SH3D21: variants seen among roughly 807,000 people sequenced by gnomAD.
SH3D21 encodes SH3 domain-containing protein 21.
Under a neutral mutation model 82.1 loss-of-function variants are expected in SH3D21, and 83 were observed. That is an observed-to-expected ratio of 1.01 (90% confidence interval 0.85 to 1.21). The LOEUF is 1.21. Ranked by LOEUF, SH3D21 falls within the 50% of genes most tolerant of loss-of-function variation. The pLI is 0.00. For missense variants in SH3D21, 980 were observed against 962.1 expected (o/e 1.02, Z -0.25); for synonymous variants, 383 against 387.8 (o/e 0.99, Z 0.15).
In SH3D21 at chr1:36,307,298, G is replaced by GAT. The variant is rs755274024; in HGVS notation, c.345+13_345+14insAT. 16 of 1,551,840 alleles carry GAT rather than the reference G, an allele frequency of 1.0e-5. No homozygotes were observed. In the South Asian group the frequency reaches 1.9e-4, roughly 18 times the overall value. ...AATGATAAAGGAGGTGAGGGGTGAG[G>GAT]TGATGGGACCGTTTGGGGGAGGATG... On this transcript the variant is annotated intron_variant, in intron 4 of 15. Coordinates refer to ENST00000453908, the MANE Select transcript of SH3D21 (RefSeq NM_001162530.2). This position sits in a 1 kb window ranked among gnomAD's most constrained non-coding sequence, Gnocchi z 5.4.
In SH3D21 at chr1:36,320,100, C is replaced by T; in HGVS notation, c.1437C>T (p.Ala479=). ...NPKMAPLGDE[A]PTLEKVLTPE... ...AGATGGCCCCTCTGGGGGATGAGGC[C>T]CCCACTCTAGAAAAGGTCTTGACCC... Residue 479 remains alanine, a synonymous_variant, in exon 14 of 16, where the codon GCC becomes GCT. Coordinates refer to ENST00000453908, the MANE Select transcript of SH3D21 (RefSeq NM_001162530.2). 3 of 1,613,978 alleles carry T rather than the reference C, an allele frequency of 1.9e-6. No homozygotes were observed. Among genetic ancestry groups the T allele is most frequent in the African/African-American group, 1.3e-5 (1 of 75,018 alleles).
At chr1:36,322,740 G>A (rs1156924099), downstream of SH3D21, 2 of 1,545,528 alleles carry the variant, frequency 1.3e-6, no homozygotes. Context: ...GGGGCACAGG[G>A]CGGGGGTCAC....
At chr1:36,313,032 A>G (rs1270678845) in intron 10 of SH3D21, among the ~76,000 whole-genome samples, 1 of 151,932 alleles carries the variant, frequency 6.6e-6, no homozygotes, top group Non-Finnish European at 1.5e-5. Flanking sequence ...ATCTTATATA[A>G]GATGGGAATG....
At chr1:36,312,776 T>C (rs1309055091) in intron 10 of SH3D21, among the ~76,000 whole-genome samples, 1 of 152,136 alleles carries the variant, frequency 6.6e-6, no homozygotes, top group Non-Finnish European at 1.5e-5. Context: ...AGTGGCGCGA[T>C]CTCAGCTCAC....
Position 36,307,336 on chromosome 1 carries a change from T to TC in SH3D21, c.345+54dup. 6.5e-7 allele frequency: 1 copy of TC among 1,546,260 alleles called. No individual in the cohort carries two copies. Among genetic ancestry groups the TC allele is most frequent in the South Asian group, 1.2e-5 (1 of 83,736 alleles). ...TTGGGGGAGGATGATGGAACGCGCC[T>TC]CCCTAGTGAGCGGGGTGGGAAGTGA... On this transcript the variant is annotated intron_variant, in intron 4 of 15. Coordinates refer to ENST00000453908, the MANE Select transcript of SH3D21 (RefSeq NM_001162530.2). This position sits in a 1 kb window ranked among gnomAD's most constrained non-coding sequence, Gnocchi z 5.4.
intron 10 of SH3D21, among the ~76,000 whole-genome samples, chr1:36,318,617 A>T (rs1287525586): frequency 2.6e-5 from 4 of 151,674 alleles, no homozygotes; most frequent in African/African-American, 9.7e-5. Context: ...TACTAAAAAT[A>T]CAAAAATTGG....
chr1:36,329,929 C>T (rs147385393), downstream of SH3D21, among the ~76,000 whole-genome samples: 713 of 152,204 alleles, frequency 4.7e-3, 4 homozygotes, highest in Middle Eastern at 0.017. Flanking sequence ...TTGTGACCTC[C>T]GCACAGCTCC....
At chr1:36,320,833 G>C (rs1646443634) in intron 14 of SH3D21, 35 bp downstream of exon 14, 1 of 1,550,196 alleles carries the variant, frequency 6.5e-7, no homozygotes. Flanking sequence ...TGGAAGGTAG[G>C]GTTCCCCCTA....
intron 9 of SH3D21, among the ~76,000 whole-genome samples, chr1:36,309,283 C>G (rs1050629795): frequency 3.3e-5 from 5 of 151,910 alleles, no homozygotes; most frequent in Non-Finnish European, 7.4e-5. Flanking sequence ...TGCAACCTCC[C>G]CCTCTCAGGT....
At chr1:36,310,833 A>G (rs1646224188) in intron 10 of SH3D21, among the ~76,000 whole-genome samples, 1 of 151,934 alleles carries the variant, frequency 6.6e-6, no homozygotes, top group African/African-American at 2.4e-5. Context: ...CACTAAATTC[A>G]TTTTTGTTTT....
downstream of SH3D21, chr1:36,322,680 A>T: frequency 6.5e-7 from 1 of 1,547,038 alleles, no homozygotes. Context: ...CAGCAGGCCG[A>T]AGCAGACGCC....
At chr1:36,328,447 G>C, downstream of SH3D21, 1 of 301,464 alleles carries the variant, frequency 3.3e-6, no homozygotes, top group South Asian at 3.0e-5. Flanking sequence ...ACAGCTGCTG[G>C]AAAGAGGGTA....
rs115684297 is a variant in SH3D21 at position 36,307,814 on chromosome 1, C to G, written c.481C>G (p.Arg161Gly). The G allele has an allele frequency of 7.7e-6, 12 of 1,551,798 alleles. No individual in the cohort carries two copies. The highest frequency in any genetic ancestry group is 9.6e-6 in the Non-Finnish European group (11 of 1,147,006). Residue 161 changes from arginine (R) to glycine (G), a missense_variant, in exon 6 of 16, where the codon CGG becomes GGG. Transcript: ENST00000453908. This position sits in a 1 kb window ranked among gnomAD's most constrained non-coding sequence, Gnocchi z 5.4. ...GCCTTCAGTCAGCCCTGGTCCCCAGCGGCCTCCCAAGGTAAGTTGGCTCAG... is the reference window on the plus strand; with the variant it reads ...GCCTTCAGTCAGCCCTGGTCCCCAGGGGCCTCCCAAGGTAAGTTGGCTCAG... ...DMPSVSPGPQ[R>G]PPKLSSLAYD...
chr1:36,315,322 C>G (rs1027905525), intron 10 of SH3D21, among the ~76,000 whole-genome samples: 1 of 151,840 alleles, frequency 6.6e-6, no homozygotes, highest in Admixed American at 6.6e-5. Context: ...TGGATAATTT[C>G]CAGAGCATTG....
At chr1:36,321,946 C>T, downstream of SH3D21, 1 of 1,125,834 alleles carries the variant, frequency 8.9e-7, no homozygotes, top group Non-Finnish European at 1.1e-6. The surrounding 1 kb of genome is among the most constrained non-coding windows in gnomAD (Gnocchi z 6.1). Context: ...GTAAGGGAGT[C>T]AAGCTGGGCC....
At chr1:36,321,490 T>G, downstream of SH3D21, 1 of 862,756 alleles carries the variant, frequency 1.2e-6, no homozygotes, top group Non-Finnish European at 1.5e-6. The surrounding 1 kb of genome is among the most constrained non-coding windows in gnomAD (Gnocchi z 6.1). Context: ...CCGGCCTAGA[T>G]TCCGGAATCC....
At chr1:36,326,204 CTTG>C (rs1646542704), downstream of SH3D21, among the ~76,000 whole-genome samples, 2 of 149,810 alleles carry the variant, frequency 1.3e-5, no homozygotes, top group Admixed American at 1.3e-4. Flanking sequence ...ACTCGATGGC[CTTG>C]TTGATGAGCT....
chr1:36,320,944 T>C lies in SH3D21; in HGVS notation c.2165T>C (p.Leu722Pro), dbSNP rs866609349. Reference sequence around the variant, plus strand: ...AAGCTGACCGACATCTGGGAGGAGCTGAAGAGCGAGAAGGAGCAGCGCCGG... The same window carrying C: ...AAGCTGACCGACATCTGGGAGGAGCCGAAGAGCGAGAAGGAGCAGCGCCGG... The part of the protein sequence containing the change: ...ERKLTDIWEE[L>P]KSEKEQRRRL... Residue 722 changes from leucine (L) to proline (P), a missense_variant, in exon 15 of 16, where the codon CTG becomes CCG. Leu to Pro is a moderately conservative substitution (Grantham distance 98). Coordinates refer to ENST00000453908, the MANE Select transcript of SH3D21 (RefSeq NM_001162530.2). The C allele has an allele frequency of 6.4e-7, 1 of 1,568,842 alleles. No homozygotes were observed. Among genetic ancestry groups the C allele is most frequent in the Non-Finnish European group, 8.6e-7 (1 of 1,156,940 alleles).
chr1:36,307,249 G>A lies in SH3D21; in HGVS notation c.309G>A (p.Lys103=), dbSNP rs1237590588. ...GCCCAGAGCAGGCGGACGAGCTGAA[G>A]CTGCAAGCTGGGGAGATCGTGGAAA... ...SYSPEQADEL[K]LQAGEIVEMI... Residue 103 remains lysine (K), a synonymous_variant, in exon 4 of 16, where the codon AAG becomes AAA. Coordinates refer to ENST00000453908, the MANE Select transcript of SH3D21 (RefSeq NM_001162530.2). This position sits in a 1 kb window ranked among gnomAD's most constrained non-coding sequence, Gnocchi z 5.4. 1.3e-6 allele frequency: 2 copies of A among 1,551,848 alleles called. No individual in the cohort carries two copies. Among genetic ancestry groups the A allele is most frequent in the East Asian group, 4.9e-5 (2 of 40,922 alleles).
Sources: allele counts gnomAD v4.1 joint callset (sites outside exome capture counted in the v4.1 genomes callset), GRCh38; gene constraint gnomAD v4.1.1; non-coding constraint Gnocchi (gnomAD v3.1); transcripts MANE v1.5; gene names NCBI Gene and HGNC (gene_info 2026-07-23, HGNC 2026-07-21).